Variants in SDK1 observed in about 807,000 individuals in gnomAD.
SDK1 encodes sidekick cell adhesion molecule 1, also known as protein sidekick-1.
SDK1 carries 157 observed loss-of-function variants against 245.5 expected under a neutral mutation model. The ratio of observed to expected loss-of-function variants is 0.64; its 90% confidence interval spans 0.56 to 0.73. The LOEUF (loss-of-function observed/expected upper bound fraction) is 0.73. SDK1 is among the 30% of genes least tolerant of loss of function. The pLI, the probability that SDK1 is intolerant of heterozygous loss-of-function variation, is 0.00. For synonymous variants in SDK1, 1,647 were observed against 1,278.5 expected, an observed-to-expected ratio of 1.29 and a Z score of -6.15; for missense variants, 3,583 against 3,002.3, an observed-to-expected ratio of 1.19 and a Z score of -4.52.
chr7:3,408,333 TG>T (rs1422730152), intron 1 of SDK1, among the ~76,000 whole-genome samples: 2 of 152,148 alleles, frequency 1.3e-5, no homozygotes, highest in Non-Finnish European at 2.9e-5. Flanking sequence ...GCAGAAGCCA[TG>T]GTGCTTGGCC....
At chr7:3,519,480 A>G (rs913516892) in intron 1 of SDK1, among the ~76,000 whole-genome samples, 2 of 152,172 alleles carry the variant, frequency 1.3e-5, no homozygotes, top group Non-Finnish European at 2.9e-5. Context: ...GTATGAAATA[A>G]GAGTAACAAC....
At chr7:3,851,294 G>T (rs141931183) in intron 5 of SDK1, among the ~76,000 whole-genome samples, 1 of 151,990 alleles carries the variant, frequency 6.6e-6, no homozygotes, top group South Asian at 2.1e-4. Context: ...ATTATTTGGC[G>T]TTATTAACAT....
At chr7:4,009,691 G>A (rs903671221) in intron 14 of SDK1, among the ~76,000 whole-genome samples, 3 of 152,200 alleles carry the variant, frequency 2.0e-5, no homozygotes, top group Non-Finnish European at 2.9e-5. Flanking sequence ...CATCTTCATC[G>A]CCAACTGGCT....
At chr7:3,583,485 G>C (rs993542125) in intron 1 of SDK1, among the ~76,000 whole-genome samples, 1 of 152,162 alleles carries the variant, frequency 6.6e-6, no homozygotes, top group Non-Finnish European at 1.5e-5. Context: ...CTAAGACATT[G>C]GAATCCACAT....
chr7:4,240,280 A>G (rs1172951941), intron 42 of SDK1, among the ~76,000 whole-genome samples: 1 of 152,160 alleles, frequency 6.6e-6, no homozygotes, highest in Non-Finnish European at 1.5e-5. Context: ...TTAATTTAAC[A>G]TCATAATTGA....
intron 1 of SDK1, among the ~76,000 whole-genome samples, chr7:3,396,692 T>G (rs1781904705): frequency 6.6e-6 from 1 of 151,742 alleles, no homozygotes; most frequent in Non-Finnish European, 1.5e-5. Context: ...ACTGTTTTCA[T>G]GATATATCTT....
Position 3,953,664 on chromosome 7 carries a change from T to C in SDK1, c.1150+1744T>C, listed in dbSNP as rs187271559. Among the ~76,000 whole-genome samples the C allele has an allele frequency of 7.2e-5, 11 of 152,354 alleles. No homozygotes were observed. In the East Asian group the frequency reaches 1.5e-3, roughly 21 times the overall value. On this transcript the variant is annotated intron_variant, in intron 7 of 44. Coordinates refer to ENST00000404826, the MANE Select transcript of SDK1 (RefSeq NM_152744.4). ...AAATTTATCTCCCTTTAAACGAGAA[T>C]GTTTGTTTCGATCATCATTCCTTTT...
intron 1 of SDK1, among the ~76,000 whole-genome samples, chr7:3,406,073 A>G (rs950805641): frequency 2.0e-5 from 3 of 152,150 alleles, no homozygotes; most frequent in Admixed American, 2.0e-4. Context: ...TTGGCCTCCC[A>G]AAGTGCTGGG....
intron 5 of SDK1, among the ~76,000 whole-genome samples, chr7:3,950,009 T>A (rs919179388): frequency 6.6e-6 from 1 of 152,144 alleles, no homozygotes; most frequent in African/African-American, 2.4e-5. Flanking sequence ...TTGAACAGAT[T>A]TGGAAATAGC....
intron 30 of SDK1, among the ~76,000 whole-genome samples, chr7:4,157,431 C>G (rs531033296): frequency 0.61 from 59,827 of 98,198 alleles, 14,740 homozygotes; most frequent in East Asian, 0.77. Flanking sequence ...GGAAGGAAGG[C>G]AAGAGAAAAG....
chr7:3,954,605 A>C (rs557890565), intron 7 of SDK1, among the ~76,000 whole-genome samples: 106 of 21,384 alleles, frequency 5.0e-3, no homozygotes, highest in Middle Eastern at 0.025. Context: ...CTCCGTTCCC[A>C]CCTCCCCTCT....
chr7:3,721,342 GTAGT>G (rs1778791440), intron 4 of SDK1, among the ~76,000 whole-genome samples: 5 of 152,200 alleles, frequency 3.3e-5, no homozygotes, highest in Non-Finnish European at 7.3e-5. Flanking sequence ...TTGGTAAACT[GTAGT>G]TACTCAGCAC....
chr7:4,105,460 C>G (rs971175642), intron 22 of SDK1, among the ~76,000 whole-genome samples: 2 of 152,006 alleles, frequency 1.3e-5, no homozygotes, highest in Non-Finnish European at 2.9e-5. Context: ...GCACGTGCCA[C>G]CACACCCAGC....
At chr7:3,478,803 C>T (rs1435811637) in intron 1 of SDK1, among the ~76,000 whole-genome samples, 3 of 151,834 alleles carry the variant, frequency 2.0e-5, no homozygotes, top group South Asian at 2.1e-4. Flanking sequence ...TATTTTCAGC[C>T]TATATTCTTT....
At chr7:3,555,286 C>T (rs866823226) in intron 1 of SDK1, among the ~76,000 whole-genome samples, 2 of 152,146 alleles carry the variant, frequency 1.3e-5, no homozygotes, top group African/African-American at 2.4e-5. Context: ...TATACACCTA[C>T]AGTGAACTCA....
intron 4 of SDK1, 142 bp downstream of exon 4, chr7:3,642,247 T>G (rs1782674019): frequency 1.5e-6 from 1 of 666,728 alleles, no homozygotes; most frequent in Non-Finnish European, 2.5e-6. Flanking sequence ...TAATTTTTAA[T>G]AAACAGCTAT....
rs192210074 is a variant in SDK1, at chr7:3,853,772, C to T, written c.847+32189C>T. On this transcript the variant is annotated intron_variant, in intron 5 of 44. Coordinates refer to ENST00000404826, the MANE Select transcript of SDK1 (RefSeq NM_152744.4). Reference sequence around the variant, plus strand: ...CTGGGAGGCTGAGGTGGGCAATTCACGAGGTCAAGACATTGAGACCATCCT... The same window carrying T: ...CTGGGAGGCTGAGGTGGGCAATTCATGAGGTCAAGACATTGAGACCATCCT... Among the ~76,000 whole-genome samples, 805 of 152,146 alleles carry T rather than the reference C, an allele frequency of 5.3e-3. 18 individuals carry two copies. Among genetic ancestry groups the T allele is most frequent in the Admixed American group, 0.041 (620 of 15,270 alleles).
chr7:4,051,565 A>T, intron 18 of SDK1, 73 bp from the exon 19 acceptor site: 1 of 1,296,990 alleles, frequency 7.7e-7, no homozygotes, highest in Non-Finnish European at 1.1e-6. Context: ...ACAAAATAAA[A>T]TTCTGCTGCA....
chr7:3,900,175 A>T (rs920713074), intron 5 of SDK1, among the ~76,000 whole-genome samples: 1 of 152,152 alleles, frequency 6.6e-6, no homozygotes, highest in Non-Finnish European at 1.5e-5. Context: ...CTGTGTCTTT[A>T]TATTTTATTA....
Sources: gnomAD v4.1 joint callset for allele counts (sites outside exome capture counted in the v4.1 genomes callset) on GRCh38, gnomAD v4.1.1 for gene constraint, MANE v1.5 for transcripts, NCBI Gene and HGNC (gene_info 2026-07-23, HGNC 2026-07-21) for gene names.